PCDHA4: variants seen among roughly 807,000 people sequenced by gnomAD.
PCDHA4 encodes the protein protocadherin alpha 4.
A neutral mutation model predicts 61.4 loss-of-function variants in PCDHA4; 49 were observed. The ratio of observed to expected loss-of-function variants is 0.80; its 90% CI spans 0.63 to 1.01. The LOEUF (loss-of-function observed/expected upper bound fraction) is 1.01, where lower values mean the gene tolerates loss of function less well. Ranked by LOEUF, PCDHA4 falls within the 50% of genes least tolerant of loss-of-function variation. PCDHA4 has a pLI of 0.00. For synonymous variants in PCDHA4, 590 were observed against 550.3 expected (o/e 1.07, Z -1.01); for missense variants, 1,254 against 1,235.8 (o/e 1.01, Z -0.22).
In PCDHA4 at chr5:140,885,617, T is replaced by C. The variant is rs182455292; in HGVS notation, c.2385+76045T>C. Among the ~76,000 whole-genome samples, 20 of 152,288 alleles carry C rather than the reference T, an allele frequency of 1.3e-4. No individual in the cohort carries two copies. The East Asian group carries it at 3.7e-3, about 28-fold the overall frequency. The stretch of plus-strand genomic sequence containing the variant: ...GATATTAATAATTTTAATTATAAAA[T>C]ATGTCACTGGATTGCCTTCCAAGTA... On this transcript the variant is annotated intron_variant, in intron 1 of 3. Coordinates refer to ENST00000530339, the MANE Select transcript of PCDHA4 (RefSeq NM_018907.4).
chr5:140,844,559 T>A (rs2150371995), intron 1 of PCDHA4, among the ~76,000 whole-genome samples: 6 of 149,706 alleles, frequency 4.0e-5, no homozygotes, highest in African/African-American at 1.5e-4. Flanking sequence ...AGTTGGAATA[T>A]TTTCAATAAT....
chr5:140,809,319 T>G lies in PCDHA4; in HGVS notation c.2132T>G (p.Leu711Trp), dbSNP rs782158465. Reference sequence around the variant, plus strand: ...GCCATCTGCGCGGTGTCCAGCCTTTTGGTGCTCACGCTGCTGCTGTACACC... The same window carrying G: ...GCCATCTGCGCGGTGTCCAGCCTTTGGGTGCTCACGCTGCTGCTGTACACC... ...IIAICAVSSL[L>W]VLTLLLYTAL... is the part of the protein sequence containing the mutation. The change falls in exon 1 of 4, where the codon TTG becomes TGG. Residue 711 changes from leucine to tryptophan, a missense_variant. Physicochemically the swap from Leu to Trp is moderately conservative, Grantham distance 61. Transcript: ENST00000530339. 1 of 1,614,108 alleles carries G rather than the reference T, an allele frequency of 6.2e-7. No individual in the cohort carries two copies.
At chr5:140,853,279 A>G (rs1197350918) in intron 1 of PCDHA4, 3 of 979,360 alleles carry the variant, frequency 3.1e-6, no homozygotes, top group Non-Finnish European at 3.7e-6. Flanking sequence ...CTCTCATCAT[A>G]TGCAAATTCT....
Position 141,002,911 on chromosome 5 carries a change from G to C in PCDHA4, c.2534-6716G>C, listed in dbSNP as rs565172510. Among the ~76,000 whole-genome samples the C allele has an allele frequency of 3.3e-5, 5 of 152,330 alleles. No homozygotes were observed. The South Asian group carries it at 1.0e-3, about 32-fold the overall frequency. On this transcript the variant is annotated intron_variant, in intron 3 of 3. Transcript: ENST00000530339. ...ACAAAGCAAGATGAAGAGAAGATCA[G>C]AAAAGTGAACACCCTCCAACACCCT...
At chr5:140,863,310 G>A (rs2047937786) in intron 1 of PCDHA4, 2 of 1,463,012 alleles carry the variant, frequency 1.4e-6, no homozygotes, top group Non-Finnish European at 1.9e-6. Context: ...CCATCTGCGT[G>A]GTGTCCAGCC....
chr5:140,815,697 T>C (rs1765780636), intron 1 of PCDHA4: 1 of 152,188 alleles, frequency 6.6e-6, no homozygotes, highest in Non-Finnish European at 1.5e-5. Flanking sequence ...AAAATACCTA[T>C]GTATTTCTGT....
rs2098414886 is a variant in PCDHA4, at chr5:141,009,848, A to T, written c.2755A>T (p.Thr919Ser). 7 of 1,614,012 alleles carry T rather than the reference A, an allele frequency of 4.3e-6. No homozygotes were observed. Among genetic ancestry groups the T allele is most frequent in the Non-Finnish European group, 5.1e-6 (6 of 1,180,014 alleles). ...DFITFGKKEE[T>S]KKKKKKKKGN... ...CATAACCTTCGGCAAAAAGGAGGAGACCAAGAAAAAGAAGAAAAAGAAGAA... is the reference window on the plus strand; with the variant it reads ...CATAACCTTCGGCAAAAAGGAGGAGTCCAAGAAAAAGAAGAAAAAGAAGAA... The change falls in exon 4 of 4, where the codon ACC becomes TCC. Residue 919 changes from threonine (T) to serine (S), a missense_variant. Thr to Ser is a moderately conservative substitution (Grantham distance 58). Transcript: ENST00000530339.
At chr5:140,835,918 C>T (rs1554135453) in intron 1 of PCDHA4, 3 of 1,612,332 alleles carry the variant, frequency 1.9e-6, no homozygotes, top group Non-Finnish European at 2.5e-6. Flanking sequence ...TCAGTGCACG[C>T]GGAGAGCGGC....
chr5:140,942,846 A>C (rs1239885134), intron 1 of PCDHA4, among the ~76,000 whole-genome samples: 1 of 152,312 alleles, frequency 6.6e-6, no homozygotes, highest in East Asian at 1.9e-4. Flanking sequence ...AAATTCCAGT[A>C]AGATGATTAT....
chr5:140,876,127 A>G lies in PCDHA4; in HGVS notation c.2385+66555A>G, dbSNP rs782626047. 2.5e-6 allele frequency: 4 copies of G among 1,613,984 alleles called. No homozygotes were observed. The South Asian group carries it at 3.3e-5, about 13-fold the overall frequency. ...ATTGCTGATGGTAATCGATGGCGGTAAACCAGAACTAACAGGGTCTGTCCA... is the reference window on the plus strand; with the variant it reads ...ATTGCTGATGGTAATCGATGGCGGTGAACCAGAACTAACAGGGTCTGTCCA... On this transcript the variant is annotated intron_variant, in intron 1 of 3. Coordinates refer to ENST00000530339, the MANE Select transcript of PCDHA4 (RefSeq NM_018907.4).
At chr5:140,870,761 T>C (rs1456957620) in intron 1 of PCDHA4, 1 of 1,613,524 alleles carries the variant, frequency 6.2e-7, no homozygotes, top group Non-Finnish European at 8.5e-7. Flanking sequence ...CTGCAGGTGT[T>C]CGTGCTGGAC....
intron 1 of PCDHA4, chr5:140,853,313 T>G: frequency 1.0e-6 from 1 of 984,212 alleles, no homozygotes; most frequent in South Asian, 4.7e-5. Flanking sequence ...AACACCTTAG[T>G]AATAAATTTA....
intron 1 of PCDHA4, chr5:140,877,350 G>T (rs376513441): frequency 1.9e-6 from 3 of 1,614,014 alleles, no homozygotes; most frequent in Non-Finnish European, 2.5e-6. Flanking sequence ...ACGTGGGGCT[G>T]TACACTGGCG....
At chr5:140,869,746 A>G in intron 1 of PCDHA4, 1 of 1,613,340 alleles carries the variant, frequency 6.2e-7, no homozygotes, top group Non-Finnish European at 8.5e-7. Flanking sequence ...GCTAACAGCT[A>G]CAGACGGGGG....
chr5:140,859,369 T>C (rs1469149070), intron 1 of PCDHA4: 1 of 262,962 alleles, frequency 3.8e-6, no homozygotes, highest in Non-Finnish European at 7.0e-6. Flanking sequence ...TATTGTATAG[T>C]TTAATAGCTT....
intron 1 of PCDHA4, chr5:140,849,617 G>C (rs2150442549): frequency 6.3e-7 from 1 of 1,598,746 alleles, no homozygotes; most frequent in Non-Finnish European, 8.6e-7. Context: ...TGATTAGTGT[G>C]ATCGACCTAG....
chr5:140,869,250 G>T lies in PCDHA4; in HGVS notation c.2385+59678G>T, dbSNP rs371660992. ...ACGGCACCTTCGTGGGCCGCATCGC[G>T]CAGGACCTGGGGCTGGAGCTGGCGG... On this transcript the variant is annotated intron_variant, in intron 1 of 3. Transcript: ENST00000530339. The T allele has an allele frequency of 8.4e-5, 135 of 1,613,518 alleles. No homozygotes were observed. In the Middle Eastern group the frequency reaches 1.0e-3, roughly 13 times the overall value.
At chr5:140,984,174 G>A (rs557769828) in intron 3 of PCDHA4, among the ~76,000 whole-genome samples, 25 of 152,318 alleles carry the variant, frequency 1.6e-4, no homozygotes, top group African/African-American at 5.8e-4. Flanking sequence ...AAGAAGCCAC[G>A]TGAAATCATG....
intron 1 of PCDHA4, chr5:140,869,173 T>C: frequency 6.2e-7 from 1 of 1,613,884 alleles, no homozygotes; most frequent in African/African-American, 1.3e-5. Flanking sequence ...CCTCGAATTC[T>C]GGGAGGTGGG....
Sources: allele counts gnomAD v4.1 joint callset (sites outside exome capture counted in the v4.1 genomes callset), GRCh38; gene constraint gnomAD v4.1.1; transcripts MANE v1.5; gene names NCBI Gene and HGNC (gene_info 2026-07-23, HGNC 2026-07-21).